PCDHGB7: variants seen among roughly 807,000 people sequenced by gnomAD.
PCDHGB7 encodes protocadherin gamma-B7.
PCDHGB7 carries 37 observed loss-of-function variants against 61.4 expected under a neutral mutation model. The observed-to-expected ratio is 0.60, with a 90% CI of 0.46 to 0.79. The LOEUF (loss-of-function observed/expected upper bound fraction) is 0.79, where lower values mean the gene tolerates loss of function less well. Among genes scored for constraint, PCDHGB7 ranks in the 30% least tolerant of loss-of-function variants. The pLI is 0.00. For synonymous variants in PCDHGB7, 464 were observed against 503.5 expected, an observed-to-expected ratio of 0.92 and a Z score of 1.05; for missense variants, 1,166 against 1,202.5, an observed-to-expected ratio of 0.97 and a Z score of 0.45.
rs760970548 is a variant in PCDHGB7 at position 141,419,477 on chromosome 5, C to G, written c.1618C>G (p.Pro540Ala). The change falls in exon 1 of 4, where the codon CCC becomes GCC. Residue 540 changes from proline (P) to alanine (A), a missense_variant. Transcript: ENST00000398594. ...GCTGCAGGCCCGCGACCAGGGCTCGCCCGCGCTCAGCGCCAATGTGAGCCT... is the reference window on the plus strand; with the variant it reads ...GCTGCAGGCCCGCGACCAGGGCTCGGCCGCGCTCAGCGCCAATGTGAGCCT... ...LTLQARDQGSPALSANVSLRV... is the reference protein window; with the variant it reads ...LTLQARDQGSAALSANVSLRV... 6.2e-7 allele frequency: 1 copy of G among 1,612,420 alleles called. No individual in the cohort carries two copies. The highest frequency in any genetic ancestry group is 8.5e-7 in the Non-Finnish European group (1 of 1,179,502).
At chr5:141,480,205 A>G (rs2099514310) in intron 1 of PCDHGB7, among the ~76,000 whole-genome samples, 1 of 151,108 alleles carries the variant, frequency 6.6e-6, no homozygotes, top group Admixed American at 6.6e-5. Flanking sequence ...GCAGTTCAAG[A>G]CCAGCCTGAG....
At position 141,493,332 on chromosome 5, in the gene PCDHGB7, C is replaced by T. The variant is rs2099747680; in HGVS notation, c.2416-1475C>T. 6.6e-6 allele frequency among the ~76,000 whole-genome samples: 1 copy of T among 152,210 alleles called. No homozygotes were observed. The highest frequency in any genetic ancestry group is 1.5e-5 in the Non-Finnish European group (1 of 68,036). Reference sequence around the variant, plus strand: ...AAGAGAGATTCTAACCCCTGTCTAACTCCAGAATGTGTGCTTTTAATTTCT... The same window carrying T: ...AAGAGAGATTCTAACCCCTGTCTAATTCCAGAATGTGTGCTTTTAATTTCT... On this transcript the variant is annotated intron_variant, in intron 1 of 3. Transcript: ENST00000398594. This position sits in a 1 kb window ranked among gnomAD's most constrained non-coding sequence, Gnocchi z 4.3.
In PCDHGB7 at chr5:141,432,973, G is replaced by T. The variant is rs150572360; in HGVS notation, c.2415+12699G>T. The T allele has an allele frequency of 3.7e-6, 6 of 1,614,096 alleles. 1 individual carries two copies. The highest frequency in any genetic ancestry group is 1.7e-5 in the Admixed American group (1 of 60,014). Reference sequence around the variant, plus strand: ...GCGGCTTGACAGGAGCGCCGGCGTCGCACTTTGTGGGCGTGGACGGGGTGC... The same window carrying T: ...GCGGCTTGACAGGAGCGCCGGCGTCTCACTTTGTGGGCGTGGACGGGGTGC... On this transcript the variant is annotated intron_variant, in intron 1 of 3. Coordinates refer to ENST00000398594, the MANE Select transcript of PCDHGB7 (RefSeq NM_018927.4). This position sits in a 1 kb window ranked among gnomAD's most constrained non-coding sequence, Gnocchi z 6.0.
rs2099391747 is a variant in PCDHGB7 at position 141,476,440 on chromosome 5, G to A, written c.2416-18367G>A. Reference sequence around the variant, plus strand: ...CACTGCCCTCTTGCACTGTAACTCTGGAGTTGGTAGTGGAGAACCCGCTGG... The same window carrying A: ...CACTGCCCTCTTGCACTGTAACTCTAGAGTTGGTAGTGGAGAACCCGCTGG... On this transcript the variant is annotated intron_variant, in intron 1 of 3. Transcript: ENST00000398594. The surrounding 1 kb of genome is among the most constrained non-coding windows in gnomAD (Gnocchi z 7.6). 1.2e-6 allele frequency: 2 copies of A among 1,613,998 alleles called. No individual in the cohort carries two copies. Among genetic ancestry groups the A allele is most frequent in the African/African-American group, 2.7e-5 (2 of 74,902 alleles).
At position 141,511,219 on chromosome 5, in the gene PCDHGB7, G is replaced by A. The variant is rs1467284181; in HGVS notation, c.*46G>A. On this transcript the variant is annotated 3_prime_UTR_variant, in exon 4 of 4. Coordinates refer to ENST00000398594, the MANE Select transcript of PCDHGB7 (RefSeq NM_018927.4). ...CCACAGGGCGGCCTCTCCCCAACCA[G>A]CCCAGCTTCTCCTTACCTGCACCCA... 5 of 1,606,366 alleles carry A rather than the reference G, an allele frequency of 3.1e-6. No individual in the cohort carries two copies. The highest frequency in any genetic ancestry group is 2.7e-5 in the African/African-American group (2 of 74,686).
Position 141,432,046 on chromosome 5 carries a change from C to G in PCDHGB7, c.2415+11772C>G, listed in dbSNP as rs1389286417. The G allele has an allele frequency of 6.2e-7, 1 of 1,614,224 alleles. No individual in the cohort carries two copies. The highest frequency in any genetic ancestry group is 2.2e-5 in the East Asian group (1 of 44,886). The stretch of plus-strand genomic sequence containing the variant: ...CAGTGACCGCCACTGACCGGGGAAC[C>G]CCGCCCCTATCCACGGAAACTCATA... On this transcript the variant is annotated intron_variant, in intron 1 of 3. Coordinates refer to ENST00000398594, the MANE Select transcript of PCDHGB7 (RefSeq NM_018927.4). This position sits in a 1 kb window ranked among gnomAD's most constrained non-coding sequence, Gnocchi z 6.0.
intron 1 of PCDHGB7, among the ~76,000 whole-genome samples, chr5:141,462,363 G>C (rs1425898350): frequency 6.6e-6 from 1 of 152,132 alleles, no homozygotes; most frequent in Non-Finnish European, 1.5e-5. Context: ...ACATTGTATA[G>C]TTTCTATTCT....
rs374154790 is a variant in PCDHGB7, at chr5:141,490,709, C to A, written c.2416-4098C>A. The A allele has an allele frequency of 3.2e-5, 52 of 1,614,218 alleles. No homozygotes were observed. In the African/African-American group the frequency reaches 6.3e-4, roughly 19 times the overall value. On this transcript the variant is annotated intron_variant, in intron 1 of 3. Coordinates refer to ENST00000398594, the MANE Select transcript of PCDHGB7 (RefSeq NM_018927.4). The surrounding 1 kb of genome is among the most constrained non-coding windows in gnomAD (Gnocchi z 5.4). ...GACACTGGGGATAATGCCCGCCTCA[C>A]CTACTCCATTGTAGGAAATCAGGTT...
intron 1 of PCDHGB7, chr5:141,442,419 T>TG (rs1214499832): frequency 1.3e-5 from 2 of 152,192 alleles, no homozygotes; most frequent in African/African-American, 4.8e-5. Context: ...AGTGAACTTC[T>TG]TTTTTGAATC....
rs979750945 is a variant in PCDHGB7 at position 141,478,807 on chromosome 5, A to G, written c.2416-16000A>G. The G allele has an allele frequency of 3.4e-6, 5 of 1,459,258 alleles. No homozygotes were observed. The African/African-American group carries it at 5.7e-5, about 17-fold the overall frequency. 90.4% of individuals were successfully genotyped at this position (1,459,258 alleles called of 1,614,324 possible). On this transcript the variant is annotated intron_variant, in intron 1 of 3. Transcript: ENST00000398594. The stretch of plus-strand genomic sequence containing the variant: ...TTCACATCCTCAGCACTCTTTTGCT[A>G]TCACAACTAACCAATCTTGCTAAGG...
chr5:141,444,325 C>G (rs2098432231), intron 1 of PCDHGB7, among the ~76,000 whole-genome samples: 1 of 151,840 alleles, frequency 6.6e-6, no homozygotes, highest in Non-Finnish European at 1.5e-5. Flanking sequence ...GCATGTGCCA[C>G]CACGCCCAGC....
At chr5:141,506,226 G>A (rs1248069119) in intron 3 of PCDHGB7, among the ~76,000 whole-genome samples, 3 of 152,152 alleles carry the variant, frequency 2.0e-5, no homozygotes, top group Non-Finnish European at 1.5e-5. Flanking sequence ...TGAGGCAGGA[G>A]GATCATGAGG....
At chr5:141,455,686 G>A (rs1282071031) in intron 1 of PCDHGB7, among the ~76,000 whole-genome samples, 1 of 152,094 alleles carries the variant, frequency 6.6e-6, no homozygotes. Context: ...AAGGCTGTGG[G>A]AATCGCCAAG....
intron 1 of PCDHGB7, among the ~76,000 whole-genome samples, chr5:141,473,298 A>G (rs1033516450): frequency 1.3e-5 from 2 of 152,244 alleles, no homozygotes; most frequent in Non-Finnish European, 2.9e-5. Context: ...AGTAGCATAA[A>G]GATTGCTATA....
At chr5:141,502,767 C>T (rs970206343) in intron 2 of PCDHGB7, among the ~76,000 whole-genome samples, 1 of 151,756 alleles carries the variant, frequency 6.6e-6, no homozygotes, top group East Asian at 1.9e-4. Flanking sequence ...TGCTGGTATT[C>T]TTCTGAAAAT....
intron 2 of PCDHGB7, among the ~76,000 whole-genome samples, chr5:141,495,601 G>A (rs1315613802): frequency 3.3e-5 from 5 of 152,004 alleles, no homozygotes; most frequent in South Asian, 2.1e-4. Context: ...CTTAGCTTCC[G>A]TCTTGATTGC....
intron 1 of PCDHGB7, among the ~76,000 whole-genome samples, chr5:141,438,921 C>T (rs1204218608): frequency 6.6e-6 from 1 of 151,970 alleles, no homozygotes; most frequent in Non-Finnish European, 1.5e-5. Context: ...CTGCCTTGGC[C>T]TCCCAAAGTG....
chr5:141,453,050 C>A (rs2098754757), intron 1 of PCDHGB7, among the ~76,000 whole-genome samples: 3 of 152,006 alleles, frequency 2.0e-5, no homozygotes, highest in Non-Finnish European at 4.4e-5. Context: ...CTATTATGTG[C>A]AGTTTTAGAG....
intron 1 of PCDHGB7, among the ~76,000 whole-genome samples, chr5:141,451,365 G>C (rs557753113): frequency 2.0e-5 from 3 of 152,116 alleles, no homozygotes; most frequent in Non-Finnish European, 4.4e-5. Context: ...GGATGGATCC[G>C]CTTCTAATCT....
Sources: allele counts gnomAD v4.1 joint callset (sites outside exome capture counted in the v4.1 genomes callset), GRCh38; gene constraint gnomAD v4.1.1; non-coding constraint Gnocchi (gnomAD v3.1); transcripts MANE v1.5; gene names NCBI Gene and HGNC (gene_info 2026-07-23, HGNC 2026-07-21).